PDE4D: variants seen among roughly 807,000 people sequenced by gnomAD.
PDE4D encodes 3',5'-cyclic-AMP phosphodiesterase 4D.
PDE4D carries 24 observed loss-of-function variants against 87.4 expected under a neutral mutation model. The observed-to-expected ratio is 0.27, with a 90% CI of 0.20 to 0.39. The LOEUF (loss-of-function observed/expected upper bound fraction) is 0.39, where lower values mean the gene tolerates loss of function less well. Among genes scored for constraint, PDE4D ranks in the 10% least tolerant of loss-of-function variants. The pLI is 1.00. For synonymous variants in PDE4D, 384 were observed against 383.2 expected (o/e 1.00, Z -0.02); for missense variants, 714 against 1,041.0 (o/e 0.69, Z 4.32).
At chr5:59,889,228 TAAAAAAA>T (rs58549979) in intron 1 of PDE4D, among the ~76,000 whole-genome samples, 2 of 71,106 alleles carry the variant, frequency 2.8e-5, no homozygotes, top group African/African-American at 1.1e-4. Flanking sequence ...AGACTCTGTC[TAAAAAAA>T]AAAAAAAAAA....
chr5:59,336,569 T>G (rs1777691327), intron 1 of PDE4D, among the ~76,000 whole-genome samples: 1 of 152,206 alleles, frequency 6.6e-6, no homozygotes, highest in Non-Finnish European at 1.5e-5. Flanking sequence ...GACTACTTTT[T>G]AAGCTATGCA....
At chr5:59,318,333 G>A (rs958335460) in intron 1 of PDE4D, among the ~76,000 whole-genome samples, 4 of 152,136 alleles carry the variant, frequency 2.6e-5, no homozygotes, top group Non-Finnish European at 5.9e-5. Context: ...GTGGAGTACA[G>A]TTAAAGAGCT....
chr5:59,220,395 A>G (rs1411046325), intron 1 of PDE4D, among the ~76,000 whole-genome samples: 215 of 149,828 alleles, frequency 1.4e-3, no homozygotes, highest in African/African-American at 4.9e-3. Context: ...AAAAAAAAAA[A>G]AAAAAAAGAA....
At chr5:59,649,856 G>A (rs1258724935) in intron 1 of PDE4D, among the ~76,000 whole-genome samples, 1 of 136,298 alleles carries the variant, frequency 7.3e-6, no homozygotes, top group Non-Finnish European at 1.5e-5. Flanking sequence ...ACCAATTTGG[G>A]AAACAACAAT....
chr5:60,132,901 T>C (rs368495450), intron 2 of PDE4D, among the ~76,000 whole-genome samples: 5 of 152,248 alleles, frequency 3.3e-5, no homozygotes, highest in African/African-American at 9.6e-5. Flanking sequence ...TCATTGTGAA[T>C]AAATGCATGA....
intron 3 of PDE4D, among the ~76,000 whole-genome samples, chr5:59,185,793 T>C (rs545060233): frequency 6.6e-6 from 1 of 152,332 alleles, no homozygotes; most frequent in Non-Finnish European, 1.5e-5. Context: ...ATCTGAATTG[T>C]GCATTGTAAG....
chr5:59,330,752 T>C (rs893113585), intron 1 of PDE4D, among the ~76,000 whole-genome samples: 1 of 152,228 alleles, frequency 6.6e-6, no homozygotes, highest in Non-Finnish European at 1.5e-5. Flanking sequence ...AATTGAACAA[T>C]TTGGTTATGT....
At chr5:60,291,473 A>T (rs77867091) in intron 1 of PDE4D, among the ~76,000 whole-genome samples, 5,142 of 152,184 alleles carry the variant, frequency 0.034, 129 homozygotes, top group Middle Eastern at 0.085. Context: ...AATCAAGTAT[A>T]TAATTAAAAG....
chr5:60,160,909 G>A, intron 2 of PDE4D: 2 of 390,102 alleles, frequency 5.1e-6, no homozygotes, highest in Middle Eastern at 4.5e-4. Context: ...TTAATTCTAG[G>A]AAAACATCTT....
chr5:60,452,595 C>A (rs1192208309), intron 1 of PDE4D, among the ~76,000 whole-genome samples: 1 of 152,024 alleles, frequency 6.6e-6, no homozygotes, highest in African/African-American at 2.4e-5. Context: ...GATATGTTTG[C>A]ATGCCAAATT....
intron 1 of PDE4D, among the ~76,000 whole-genome samples, chr5:60,424,578 A>G (rs78394390): frequency 6.6e-6 from 1 of 152,240 alleles, no homozygotes; most frequent in African/African-American, 2.4e-5. Flanking sequence ...CCAATATCAT[A>G]CTGAATGGGC....
At chr5:59,560,607 G>A (rs1819813141) in intron 1 of PDE4D, among the ~76,000 whole-genome samples, 1 of 152,228 alleles carries the variant, frequency 6.6e-6, no homozygotes, top group Admixed American at 6.5e-5. Context: ...AGGATGTGGT[G>A]AAGCTCAGAG....
At chr5:60,431,696 C>T (rs1328538095) in intron 1 of PDE4D, among the ~76,000 whole-genome samples, 1 of 152,190 alleles carries the variant, frequency 6.6e-6, no homozygotes, top group Non-Finnish European at 1.5e-5. Context: ...GCTGCAATCT[C>T]GACACTTTGG....
intron 1 of PDE4D, among the ~76,000 whole-genome samples, chr5:59,426,353 C>T (rs984095972): frequency 1.1e-4 from 17 of 152,124 alleles, no homozygotes; most frequent in Admixed American, 1.1e-3. Context: ...GTGATCGTTC[C>T]ACAAGAAGAG....
chr5:59,426,024 T>A (rs1211753644), intron 1 of PDE4D, among the ~76,000 whole-genome samples: 1 of 152,164 alleles, frequency 6.6e-6, no homozygotes, highest in African/African-American at 2.4e-5. Context: ...CTTAATCCAG[T>A]CTGACTGATG....
chr5:59,506,791 G>A (rs185978403), intron 1 of PDE4D, among the ~76,000 whole-genome samples: 6 of 152,196 alleles, frequency 3.9e-5, no homozygotes, highest in East Asian at 1.9e-4. Context: ...AAGATAATAC[G>A]AAGTGTTGAC....
chr5:60,285,709 C>A (rs1752359355), intron 1 of PDE4D, among the ~76,000 whole-genome samples: 1 of 152,202 alleles, frequency 6.6e-6, no homozygotes, highest in Non-Finnish European at 1.5e-5. Context: ...TTACCAGCCT[C>A]AGCTCCCTGC....
At chr5:59,579,298 CA>C (rs1478977497) in intron 1 of PDE4D, among the ~76,000 whole-genome samples, 8 of 152,290 alleles carry the variant, frequency 5.3e-5, no homozygotes, top group African/African-American at 1.7e-4. Flanking sequence ...TTATTACATT[CA>C]TCTGGGCATC....
intron 1 of PDE4D, among the ~76,000 whole-genome samples, chr5:60,353,607 G>T (rs984763393): frequency 1.3e-5 from 2 of 152,302 alleles, no homozygotes; most frequent in Non-Finnish European, 2.9e-5. Context: ...CAACAGACTA[G>T]CACTTTCATG....
Sources: allele counts gnomAD v4.1 joint callset (sites outside exome capture counted in the v4.1 genomes callset), GRCh38; gene constraint gnomAD v4.1.1; transcripts MANE v1.5; gene names NCBI Gene and HGNC (gene_info 2026-07-23, HGNC 2026-07-21).